ZNF227: variants seen among roughly 807,000 people sequenced by gnomAD.
ZNF227 encodes zinc finger protein 227.
Under a neutral mutation model 13.2 loss-of-function variants are expected in ZNF227, and 12 were observed. The observed-to-expected ratio is 0.91, with a 90% CI of 0.58 to 1.47. ZNF227 has a LOEUF of 1.47. ZNF227 is among the 40% of genes most tolerant of loss of function. The pLI, the probability that ZNF227 is intolerant of heterozygous loss-of-function variation, is 0.00. For missense variants in ZNF227, 885 were observed against 967.5 expected (o/e 0.91, Z 1.13); for synonymous variants, 338 against 326.0 (o/e 1.04, Z -0.40).
intron 3 of ZNF227, among the ~76,000 whole-genome samples, chr19:44,222,973 AG>A (rs1972713275): frequency 6.6e-6 from 1 of 151,914 alleles, no homozygotes; most frequent in South Asian, 2.1e-4. Context: ...TTTAGCATGA[AG>A]GGTTGTTGAA....
intron 2 of ZNF227, chr19:44,217,565 C>T: frequency 2.9e-6 from 2 of 697,576 alleles, no homozygotes; most frequent in Non-Finnish European, 2.6e-6. Context: ...CTGTCTCTGC[C>T]ATCAGAAATC....
intron 3 of ZNF227, among the ~76,000 whole-genome samples, chr19:44,219,612 T>C (rs1397051892): frequency 6.6e-6 from 1 of 152,072 alleles, no homozygotes; most frequent in Non-Finnish European, 1.5e-5. Context: ...ATGACTTTTT[T>C]AGAAAAAGGA....
intron 4 of ZNF227, among the ~76,000 whole-genome samples, chr19:44,229,403 C>T (rs184126794): frequency 3.3e-5 from 5 of 152,014 alleles, no homozygotes; most frequent in African/African-American, 7.2e-5. Context: ...CTTGAGGTCA[C>T]GAGTTCAAGA....
chr19:44,212,587 T>G lies in ZNF227; in HGVS notation c.-158+2T>G, dbSNP rs1023736756. 2.4e-4 allele frequency: 36 copies of G among 151,966 alleles called. 1 individual carries two copies. The highest frequency in any genetic ancestry group is 8.0e-4 in the African/African-American group (33 of 41,290). The allele number at this position is 151,966 out of a possible 1,614,324, so 9.4% of individuals were successfully genotyped here. A position where few individuals can be genotyped will look rare whatever the true frequency, so the allele number is the denominator to read the frequency against. ...GCCACCATCTTTTGGGTCCGGGAGG[T>G]GAGTCAGCCCTGCACCCCCACGACC... On this transcript the variant is annotated splice_donor_variant, in intron 1 of 5. Transcript: ENST00000313040. LOFTEE classifies it low-confidence loss of function (5UTR_SPLICE).
At chr19:44,215,379 CT>C (rs899201156) in intron 2 of ZNF227, among the ~76,000 whole-genome samples, 9 of 150,632 alleles carry the variant, frequency 6.0e-5, no homozygotes, top group African/African-American at 9.8e-5. Context: ...TACAGTATAT[CT>C]TTTTTTTGTT....
intron 3 of ZNF227, among the ~76,000 whole-genome samples, chr19:44,221,119 G>A (rs565480751): frequency 3.3e-5 from 5 of 152,050 alleles, no homozygotes; most frequent in South Asian, 2.1e-4. Flanking sequence ...ATAAACATAC[G>A]TGTGCATGTG....
At chr19:44,216,040 G>T (rs1298739679) in intron 2 of ZNF227, among the ~76,000 whole-genome samples, 6 of 72,822 alleles carry the variant, frequency 8.2e-5, no homozygotes, top group Non-Finnish European at 1.7e-4. Context: ...AAAAAAAAAA[G>T]CTATGTTTTT....
intron 3 of ZNF227, among the ~76,000 whole-genome samples, chr19:44,219,497 A>C (rs548609609): frequency 1.3e-5 from 2 of 152,146 alleles, no homozygotes; most frequent in Admixed American, 6.5e-5. Context: ...TAGGAGTGTC[A>C]TAAAGAAAAG....
chr19:44,225,742 C>T (rs867558485), intron 3 of ZNF227, among the ~76,000 whole-genome samples: 50 of 152,276 alleles, frequency 3.3e-4, no homozygotes, highest in African/African-American at 1.1e-3. Context: ...GTAGTTTGAT[C>T]GTCTGAAGCC....
chr19:44,236,033 C>T lies in ZNF227; in HGVS notation c.1603C>T (p.Leu535Phe). ...CGKGFSQSSKLQTHQRVHTGE... is the reference protein window; with the variant it reads ...CGKGFSQSSKFQTHQRVHTGE... Reference sequence around the variant, plus strand: ...GAAGGGCTTCAGTCAGTCCTCAAAGCTTCAAACCCATCAGCGAGTCCACAC... The same window carrying T: ...GAAGGGCTTCAGTCAGTCCTCAAAGTTTCAAACCCATCAGCGAGTCCACAC... Residue 535 changes from leucine to phenylalanine, a missense_variant, in exon 6 of 6, where the codon CTT (leucine) becomes TTT (phenylalanine). Transcript: ENST00000313040. 3 of 1,609,458 alleles carry T rather than the reference C, an allele frequency of 1.9e-6. No individual in the cohort carries two copies. Among genetic ancestry groups the T allele is most frequent in the African/African-American group, 1.4e-5 (1 of 73,312 alleles).
upstream of ZNF227, among the ~76,000 whole-genome samples, chr19:44,210,610 A>G (rs951151665): frequency 6.6e-6 from 1 of 152,232 alleles, no homozygotes; most frequent in African/African-American, 2.4e-5. Flanking sequence ...AAAGAGTAGC[A>G]GGTTATGACA....
Position 44,236,693 on chromosome 19 carries a change from C to T in ZNF227, c.2263C>T (p.Gln755Ter), listed in dbSNP as rs1568623170. 6.2e-7 allele frequency: 1 copy of T among 1,613,592 alleles called. No homozygotes were observed. The highest frequency in any genetic ancestry group is 1.3e-5 in the African/African-American group (1 of 74,820). Residue 755 changes from glutamine to a stop codon, truncating the protein, a stop_gained, in exon 6 of 6, where the codon CAG becomes TAG. Transcript: ENST00000313040. LOFTEE classifies it low-confidence loss of function (END_TRUNC). ...TGAAGAGTGTGGTAAAGGCTTCAGT[C>T]AGAGTGCACGTCTTGAAGCCCATCA... ...KCEECGKGFSQSARLEAHQRV... is the reference protein window; with the variant it reads ...KCEECGKGFS
chr19:44,212,044 C>T (rs1971398480), upstream of ZNF227, among the ~76,000 whole-genome samples: 1 of 151,682 alleles, frequency 6.6e-6, no homozygotes, highest in South Asian at 2.1e-4. Context: ...CGCGCGCCAC[C>T]ACGCCCGGCT....
chr19:44,224,827 T>C (rs1972924607), intron 3 of ZNF227, among the ~76,000 whole-genome samples: 1 of 152,232 alleles, frequency 6.6e-6, no homozygotes. Context: ...TAGCTGGTTA[T>C]TTTGCTCGTT....
intron 3 of ZNF227, among the ~76,000 whole-genome samples, chr19:44,223,311 A>G (rs1018910666): frequency 7.2e-5 from 11 of 152,084 alleles, no homozygotes; most frequent in East Asian, 1.9e-4. Context: ...CTCTTTTTCT[A>G]TTGATTGGAA....
In ZNF227 at chr19:44,221,833, T is replaced by C. The variant is rs1397255600; in HGVS notation, c.60+3981T>C. Among the ~76,000 whole-genome samples the C allele has an allele frequency of 7.2e-5, 11 of 152,320 alleles. No homozygotes were observed. The South Asian group carries it at 2.1e-3, about 29-fold the overall frequency. ...TTTAGTGTTTTAGACATGAAGTCCT[T>C]GCCCATGCCTATGTCCTGAATGGTA... On this transcript the variant is annotated intron_variant, in intron 3 of 5. Coordinates refer to ENST00000313040, the MANE Select transcript of ZNF227 (RefSeq NM_182490.3).
At chr19:44,225,274 T>G (rs1424756202) in intron 3 of ZNF227, among the ~76,000 whole-genome samples, 2 of 151,962 alleles carry the variant, frequency 1.3e-5, no homozygotes, top group African/African-American at 4.8e-5. Flanking sequence ...AGGAGTATCT[T>G]TGTGGCGTTC....
rs1248580660 is a variant in ZNF227, at chr19:44,236,456, A to G, written c.2026A>G (p.Ile676Val). Residue 676 changes from isoleucine (I) to valine (V), a missense_variant, in exon 6 of 6, where the codon ATA (isoleucine) becomes GTA (valine). Ile to Val is a conservative substitution (Grantham distance 29). Transcript: ENST00000313040. ...GKGFRYSSQF[I>V]YHQRGHTGEK... ...GGGCTTTAGATACAGTTCGCAGTTT[A>G]TATACCATCAGAGAGGCCACACTGG... 4 of 1,613,770 alleles carry G rather than the reference A, an allele frequency of 2.5e-6. No homozygotes were observed. The highest frequency in any genetic ancestry group is 3.4e-6 in the Non-Finnish European group (4 of 1,179,982).
At chr19:44,230,908 CAA>C (rs561975781) in intron 5 of ZNF227, among the ~76,000 whole-genome samples, 3,860 of 56,314 alleles carry the variant, frequency 0.069, 39 homozygotes, top group African/African-American at 0.08. Context: ...TCCATCTCTA[CAA>C]AAAAAAAAAA....
Sources: allele counts gnomAD v4.1 joint callset (sites outside exome capture counted in the v4.1 genomes callset), GRCh38; gene constraint gnomAD v4.1.1; transcripts MANE v1.5; gene names NCBI Gene and HGNC (gene_info 2026-07-23, HGNC 2026-07-21).